The following CLOCK variants were observed in gnomAD, a reference collection of about 807,000 sequenced individuals.
The protein encoded by CLOCK is clock circadian regulator, also known as circadian locomoter output cycles protein kaput.
Under a neutral mutation model 118.4 loss-of-function variants are expected in CLOCK, and 43 were observed. That is an observed-to-expected ratio of 0.36 (90% CI 0.28 to 0.47). The LOEUF (loss-of-function observed/expected upper bound fraction) is 0.47. Ranked by LOEUF, CLOCK falls within the 20% of genes least tolerant of loss-of-function variation. The probability of loss-of-function intolerance (pLI) is 1.00; values close to 1 mark genes in which losing one functional copy is unlikely to be tolerated. For synonymous variants in CLOCK, 326 were observed against 339.2 expected (o/e 0.96, Z 0.43); for missense variants, 846 against 999.9 (o/e 0.85, Z 2.08).
intron 1 of CLOCK, among the ~76,000 whole-genome samples, chr4:55,539,743 T>G (rs572674590): frequency 2.0e-5 from 3 of 152,096 alleles, no homozygotes; most frequent in Non-Finnish European, 4.4e-5. Context: ...CAACAGAAGA[T>G]TGATAAGTAA....
chr4:55,511,036 C>A (rs1729115101), intron 1 of CLOCK, among the ~76,000 whole-genome samples: 1 of 152,126 alleles, frequency 6.6e-6, no homozygotes, highest in Non-Finnish European at 1.5e-5. Context: ...TTTCAGGGGA[C>A]CTTTGCAAGA....
chr4:55,458,035 C>A (rs150803259), intron 11 of CLOCK, among the ~76,000 whole-genome samples: 13 of 152,220 alleles, frequency 8.5e-5, no homozygotes, highest in African/African-American at 2.9e-4. Flanking sequence ...GGCTTAAGAT[C>A]TTCTATTAAT....
chr4:55,448,601 C>CGCGCGTGTGTGTGTGT (rs764071880), intron 18 of CLOCK, among the ~76,000 whole-genome samples, 178 bp downstream of exon 18: 7 of 116,980 alleles, frequency 6.0e-5, no homozygotes, highest in Admixed American at 1.7e-4. Context: ...CGCACGCGCG[C>CGCGCGTGTGTGTGTGT]GTGTGTGTGT....
intron 8 of CLOCK, among the ~76,000 whole-genome samples, chr4:55,466,151 G>T (rs1209071974): frequency 6.6e-6 from 1 of 152,168 alleles, no homozygotes; most frequent in Non-Finnish European, 1.5e-5. Context: ...AGTGGGAGGT[G>T]ATTGAATCAT....
At chr4:55,462,354 T>G (rs747653890) in intron 9 of CLOCK, among the ~76,000 whole-genome samples, 1 of 152,228 alleles carries the variant, frequency 6.6e-6, no homozygotes, top group Non-Finnish European at 1.5e-5. Context: ...TGGTGTGATC[T>G]TGACTCATTG....
rs182563550 is a variant in CLOCK, at chr4:55,447,404, T to C, written c.1539+1375A>G. 5.1e-4 allele frequency among the ~76,000 whole-genome samples: 77 copies of C among 152,354 alleles called. 1 individual carries two copies. The highest frequency in any genetic ancestry group is 1.6e-3 in the African/African-American group (68 of 41,586). On this transcript the variant is annotated intron_variant, in intron 18 of 22. Coordinates refer to ENST00000513440, the MANE Select transcript of CLOCK (RefSeq NM_004898.4). ...AGTTACATTTATGTCATACAAATGTTATTTTATTATAACTAAAGTTATTTG... is the reference window on the plus strand; with the variant it reads ...AGTTACATTTATGTCATACAAATGTCATTTTATTATAACTAAAGTTATTTG...
chr4:55,445,579 A>ATTTTTTTTTTTTTTTTTT (rs1191320465), intron 18 of CLOCK, among the ~76,000 whole-genome samples: 1 of 65,516 alleles, frequency 1.5e-5, no homozygotes, highest in East Asian at 7.2e-4. Flanking sequence ...CTATTTCTAT[A>ATTTTTTTTTTTTTTTTTT]TTCTTTTTTT....
At chr4:55,477,246 CT>C (rs148575986) in intron 6 of CLOCK, among the ~76,000 whole-genome samples, 2,290 of 151,974 alleles carry the variant, frequency 0.015, 63 homozygotes, top group African/African-American at 0.053. Context: ...ACAATTCATC[CT>C]CTATTGACGG....
At chr4:55,503,642 G>C (rs373902719) in intron 2 of CLOCK, among the ~76,000 whole-genome samples, 3 of 151,844 alleles carry the variant, frequency 2.0e-5, no homozygotes, top group East Asian at 3.8e-4. Flanking sequence ...TCAGTCCCTT[G>C]ATTTTTTAAA....
chr4:55,462,170 T>C (rs1725387695), intron 9 of CLOCK, among the ~76,000 whole-genome samples: 1 of 152,228 alleles, frequency 6.6e-6, no homozygotes, highest in Non-Finnish European at 1.5e-5. Flanking sequence ...AGCAGAAGCC[T>C]AAGCTCTTTC....
At chr4:55,460,226 C>T (rs140131962) in intron 9 of CLOCK, among the ~76,000 whole-genome samples, 258 of 152,232 alleles carry the variant, frequency 1.7e-3, no homozygotes, top group African/African-American at 6.0e-3. Flanking sequence ...ATAAACTTAC[C>T]TTCCCACCTT....
intron 13 of CLOCK, among the ~76,000 whole-genome samples, 163 bp from the exon 14 acceptor site, chr4:55,453,987 T>A (rs1724702004): frequency 6.6e-6 from 1 of 152,174 alleles, no homozygotes; most frequent in Non-Finnish European, 1.5e-5. Flanking sequence ...TTAGAGCTAG[T>A]TTAAGGTCCC....
intron 18 of CLOCK, 46 bp downstream of exon 18, chr4:55,448,733 A>C (rs764023233): frequency 3.3e-6 from 5 of 1,494,714 alleles, no homozygotes; most frequent in African/African-American, 1.4e-5. Context: ...CTTAAAAGCA[A>C]TTTATCATAT....
intron 15 of CLOCK, among the ~76,000 whole-genome samples, chr4:55,450,890 C>G (rs988897327): frequency 5.9e-5 from 9 of 152,060 alleles, no homozygotes; most frequent in African/African-American, 2.2e-4. Context: ...GTGCCAACTA[C>G]CCAGGAAGCT....
chr4:55,470,279 C>G (rs1726041129), intron 8 of CLOCK, among the ~76,000 whole-genome samples: 1 of 151,990 alleles, frequency 6.6e-6, no homozygotes, highest in Non-Finnish European at 1.5e-5. Flanking sequence ...TTTATTGTAC[C>G]TTTTCTATGT....
intron 7 of CLOCK, 45 bp downstream of exon 7, chr4:55,475,917 CT>C: frequency 7.2e-7 from 1 of 1,384,628 alleles, no homozygotes; most frequent in Non-Finnish European, 1.0e-6. Flanking sequence ...CCTGTGATTT[CT>C]TTTTTGAGGA....
intron 13 of CLOCK, among the ~76,000 whole-genome samples, chr4:55,454,069 A>T (rs1328612636): frequency 6.6e-6 from 1 of 152,164 alleles, no homozygotes; most frequent in Non-Finnish European, 1.5e-5. Context: ...TCCATACACA[A>T]TTAATACTTA....
intron 2 of CLOCK, among the ~76,000 whole-genome samples, chr4:55,508,357 T>A (rs1183642274): frequency 6.6e-6 from 1 of 152,180 alleles, no homozygotes; most frequent in African/African-American, 2.4e-5. Flanking sequence ...GAAGAATCCA[T>A]TTCCCCTGAT....
rs917092975 is a variant in CLOCK, at chr4:55,429,168, T to C, written c.*6247A>G. ...AACACACATTATAAACATTTGAATG[T>C]CATTTTTAAAAGCGATGTCACAGTT... On this transcript the variant is annotated 3_prime_UTR_variant, in exon 23 of 23. Transcript: ENST00000513440. 1 of 152,204 alleles carries C rather than the reference T, an allele frequency of 6.6e-6. No homozygotes were observed. Among genetic ancestry groups the C allele is most frequent in the African/African-American group, 2.4e-5 (1 of 41,454 alleles). The allele number at this position is 152,204 out of a possible 1,614,324, so 9.4% of individuals were successfully genotyped here.
Sources: allele counts gnomAD v4.1 joint callset (sites outside exome capture counted in the v4.1 genomes callset), GRCh38; gene constraint gnomAD v4.1.1; transcripts MANE v1.5; gene names NCBI Gene and HGNC (gene_info 2026-07-23, HGNC 2026-07-21).